LINGO2: variants seen among roughly 807,000 people sequenced by gnomAD.
LINGO2 encodes the protein leucine-rich repeat and immunoglobulin-like domain-containing nogo receptor-interacting protein 2.
A neutral mutation model predicts 30.6 loss-of-function variants in LINGO2; 14 were observed. The observed-to-expected ratio is 0.46, with a 90% CI of 0.30 to 0.72. The LOEUF (loss-of-function observed/expected upper bound fraction) is 0.72, where lower values mean the gene tolerates loss of function less well. LINGO2 is among the 30% of genes least tolerant of loss of function. LINGO2 has a pLI of 0.07. For missense variants in LINGO2, 729 were observed against 751.7 expected, an observed-to-expected ratio of 0.97 and a Z score of 0.35; for synonymous variants, 317 against 288.5, an observed-to-expected ratio of 1.10 and a Z score of -1.00.
At chr9:28,509,368 T>C (rs984554703) in intron 1 of LINGO2, among the ~76,000 whole-genome samples, 2 of 152,216 alleles carry the variant, frequency 1.3e-5, no homozygotes, top group African/African-American at 4.8e-5. Context: ...GTGATTCCTG[T>C]AGCCTTCTGC....
chr9:28,105,311 A>G (rs1826553827), intron 4 of LINGO2, among the ~76,000 whole-genome samples: 1 of 152,166 alleles, frequency 6.6e-6, no homozygotes, highest in South Asian at 2.1e-4. Flanking sequence ...TCTTCTCTTC[A>G]TAAGCAAATG....
intron 3 of LINGO2, among the ~76,000 whole-genome samples, chr9:28,327,014 G>A (rs117697598): frequency 6.6e-5 from 10 of 152,180 alleles, no homozygotes; most frequent in African/African-American, 2.4e-4. Flanking sequence ...TCAATGTGGT[G>A]GCATTAAGAG....
chr9:28,915,185 CTT>C, the LINGO2 span, among the ~76,000 whole-genome samples: 1 of 152,068 alleles, frequency 6.6e-6, no homozygotes, highest in East Asian at 1.9e-4. Context: ...TAGTCACAAA[CTT>C]TGAGGACACA....
chr9:28,132,106 C>T (rs1056357913), intron 4 of LINGO2, among the ~76,000 whole-genome samples: 2 of 152,170 alleles, frequency 1.3e-5, no homozygotes, highest in African/African-American at 4.8e-5. Flanking sequence ...GCTAAATATG[C>T]AGCCCAGTTT....
the LINGO2 span, among the ~76,000 whole-genome samples, chr9:29,210,181 G>C: frequency 6.6e-6 from 1 of 152,126 alleles, no homozygotes; most frequent in South Asian, 2.1e-4. Flanking sequence ...TTAATGTTTG[G>C]TCTCTTTTAA....
the LINGO2 span, among the ~76,000 whole-genome samples, chr9:29,150,850 A>G: frequency 6.6e-6 from 1 of 152,062 alleles, no homozygotes; most frequent in South Asian, 2.1e-4. Flanking sequence ...GTACACAAAA[A>G]TTTTTCCACT....
At chr9:28,440,296 T>C (rs1215722964) in intron 2 of LINGO2, among the ~76,000 whole-genome samples, 3 of 152,182 alleles carry the variant, frequency 2.0e-5, no homozygotes, top group Non-Finnish European at 4.4e-5. Flanking sequence ...AAATATTTCA[T>C]AAGTCAAATG....
At chr9:28,506,619 T>G (rs1160513437) in intron 1 of LINGO2, among the ~76,000 whole-genome samples, 4 of 7,692 alleles carry the variant, frequency 5.2e-4, no homozygotes, top group Non-Finnish European at 2.0e-3. Flanking sequence ...ATGAATTGTC[T>G]CATAACATAT....
chr9:28,146,511 C>T (rs1320580207), intron 4 of LINGO2, among the ~76,000 whole-genome samples: 2 of 151,290 alleles, frequency 1.3e-5, no homozygotes, highest in Non-Finnish European at 2.9e-5. Context: ...ATAAAGTAAT[C>T]GATTTTTTAG....
chr9:28,023,880 T>G (rs1563921080), intron 4 of LINGO2, among the ~76,000 whole-genome samples: 1 of 152,180 alleles, frequency 6.6e-6, no homozygotes, highest in Non-Finnish European at 1.5e-5. Flanking sequence ...TAGTCCATAC[T>G]CAGCCTCCAA....
rs992816511 is a variant in LINGO2, at chr9:28,216,953, C to T, written c.-87+78255G>A. 3.3e-5 allele frequency among the ~76,000 whole-genome samples: 5 copies of T among 151,702 alleles called. No individual in the cohort carries two copies. The East Asian group carries it at 7.7e-4, about 23-fold the overall frequency. ...AAATTTCAATTTACATGCCAACATCCTTCACATTATATAAACTAAACAGAA... is the reference window on the plus strand; with the variant it reads ...AAATTTCAATTTACATGCCAACATCTTTCACATTATATAAACTAAACAGAA... On this transcript the variant is annotated intron_variant, in intron 4 of 5. Coordinates refer to ENST00000379992, the Ensembl canonical transcript of LINGO2.
At chr9:28,118,367 A>T (rs554503592) in intron 4 of LINGO2, among the ~76,000 whole-genome samples, 3 of 152,202 alleles carry the variant, frequency 2.0e-5, no homozygotes, top group African/African-American at 7.2e-5. Context: ...CTTACTTATA[A>T]TAAGCCATAT....
chr9:29,143,736 G>T, the LINGO2 span, among the ~76,000 whole-genome samples: 138 of 152,220 alleles, frequency 9.1e-4, no homozygotes, highest in African/African-American at 3.2e-3. Flanking sequence ...TCACTTTGAT[G>T]ATTGTTTACT....
At chr9:28,526,050 C>T (rs1197283248) in intron 1 of LINGO2, among the ~76,000 whole-genome samples, 2 of 27,682 alleles carry the variant, frequency 7.2e-5, no homozygotes, top group African/African-American at 3.1e-4. Flanking sequence ...AGCGAGACTC[C>T]GTCTCAAAAA....
intron 1 of LINGO2, among the ~76,000 whole-genome samples, chr9:28,565,420 C>T (rs1322112274): frequency 1.3e-5 from 2 of 151,082 alleles, no homozygotes; most frequent in South Asian, 2.1e-4. Context: ...GATCTGACCT[C>T]GTGATACCCC....
At chr9:28,054,079 A>C (rs1824804360) in intron 4 of LINGO2, among the ~76,000 whole-genome samples, 1 of 152,056 alleles carries the variant, frequency 6.6e-6, no homozygotes, top group African/African-American at 2.4e-5. Flanking sequence ...AAAAAGAGAA[A>C]GTGGGATTCT....
At chr9:28,190,210 G>A (rs555633898) in intron 4 of LINGO2, among the ~76,000 whole-genome samples, 2 of 152,196 alleles carry the variant, frequency 1.3e-5, no homozygotes, top group South Asian at 4.2e-4. Context: ...CCATAAATGG[G>A]CTTTAAGGGT....
At chr9:28,664,952 T>C (rs991904971) in intron 1 of LINGO2, among the ~76,000 whole-genome samples, 21 of 145,886 alleles carry the variant, frequency 1.4e-4, no homozygotes, top group African/African-American at 5.2e-4. Flanking sequence ...ACATAAGGTC[T>C]ATGACAACAA....
intron 5 of LINGO2, among the ~76,000 whole-genome samples, chr9:28,009,881 G>A (rs997700293): frequency 1.3e-5 from 2 of 152,156 alleles, no homozygotes; most frequent in Non-Finnish European, 2.9e-5. Flanking sequence ...ACATACTCAA[G>A]AGAAGTAACA....
Sources: gnomAD v4.1 joint callset for allele counts (sites outside exome capture counted in the v4.1 genomes callset) on GRCh38, gnomAD v4.1.1 for gene constraint, MANE v1.5 for transcripts, NCBI Gene and HGNC (gene_info 2026-07-23, HGNC 2026-07-21) for gene names.